The following RGSL1 variants were observed in gnomAD, a reference collection of about 807,000 sequenced individuals.
The protein encoded by RGSL1 is regulator of G protein signaling like 1.
A neutral mutation model predicts 124.7 loss-of-function variants in RGSL1; 97 were observed. That is an observed-to-expected ratio of 0.78 (90% CI 0.66 to 0.92). The LOEUF is 0.92. Ranked by LOEUF, RGSL1 falls within the 40% of genes least tolerant of loss-of-function variation. The pLI, the probability that RGSL1 is intolerant of heterozygous loss-of-function variation, is 0.00. For synonymous variants in RGSL1, 424 were observed against 438.1 expected, an observed-to-expected ratio of 0.97 and a Z score of 0.40; for missense variants, 1,233 against 1,288.4, an observed-to-expected ratio of 0.96 and a Z score of 0.66.
intron 14 of RGSL1, among the ~76,000 whole-genome samples, chr1:182,537,261 T>C (rs1659609949): frequency 6.6e-6 from 1 of 152,130 alleles, no homozygotes; most frequent in Admixed American, 6.5e-5. Flanking sequence ...CAATACAAAA[T>C]TTATTCAGTG....
chr1:182,496,966 C>T (rs1387558729), intron 9 of RGSL1, among the ~76,000 whole-genome samples: 1 of 152,062 alleles, frequency 6.6e-6, no homozygotes, highest in Non-Finnish European at 1.5e-5. Context: ...CTTACTAAGG[C>T]CCCCAAAATG....
At chr1:182,459,428 G>A (rs192965614) in intron 3 of RGSL1, among the ~76,000 whole-genome samples, 1 of 152,062 alleles carries the variant, frequency 6.6e-6, no homozygotes, top group Non-Finnish European at 1.5e-5. Context: ...GGAGAGTTGA[G>A]AAGAGACATT....
rs189495755 is a variant in RGSL1, at chr1:182,481,725, G to C, written c.1432-6560G>C. 4.1e-5 allele frequency among the ~76,000 whole-genome samples: 6 copies of C among 147,204 alleles called. No homozygotes were observed. In the East Asian group the frequency reaches 1.2e-3, roughly 30 times the overall value. On this transcript the variant is annotated intron_variant, in intron 6 of 21. Transcript: ENST00000294854. Reference sequence around the variant, plus strand: ...TGGCCAGGTGCAGTGGTTCATGCCTGTAACCCCAGCACTTTGCGAGGCTGA... The same window carrying C: ...TGGCCAGGTGCAGTGGTTCATGCCTCTAACCCCAGCACTTTGCGAGGCTGA...
At chr1:182,454,402 G>A (rs947348319) in intron 2 of RGSL1, among the ~76,000 whole-genome samples, 2 of 152,144 alleles carry the variant, frequency 1.3e-5, no homozygotes, top group Non-Finnish European at 2.9e-5. Flanking sequence ...TCCTTGGGCT[G>A]TGTCTGTTTT....
intron 2 of RGSL1, among the ~76,000 whole-genome samples, chr1:182,458,097 G>C (rs144064232): frequency 1.6e-4 from 25 of 152,220 alleles, no homozygotes; most frequent in African/African-American, 6.0e-4. Flanking sequence ...AGGTTGGGGC[G>C]TGGTGGAGCC....
At chr1:182,524,430 G>A (rs1366287749) in intron 10 of RGSL1, among the ~76,000 whole-genome samples, 3 of 152,116 alleles carry the variant, frequency 2.0e-5, no homozygotes, top group Admixed American at 6.5e-5. Flanking sequence ...GATGTACAAA[G>A]CAATGAAGGG....
At chr1:182,534,362 A>T (rs1256754075) in intron 14 of RGSL1, among the ~76,000 whole-genome samples, 2 of 152,164 alleles carry the variant, frequency 1.3e-5, no homozygotes, top group Non-Finnish European at 2.9e-5. Flanking sequence ...TCTTATTTAT[A>T]CTTCTTTAGG....
At chr1:182,524,291 GTA>G (rs35322345) in intron 10 of RGSL1, among the ~76,000 whole-genome samples, 131,408 of 152,050 alleles carry the variant, frequency 0.86, 57,106 homozygotes, top group Non-Finnish European at 0.89. Context: ...AGAAATGAGA[GTA>G]TATAAGGAGT....
At chr1:182,459,954 G>A (rs1482152991) in intron 3 of RGSL1, 50 bp from the exon 4 acceptor site, 15 of 1,529,514 alleles carry the variant, frequency 9.8e-6, no homozygotes, top group Non-Finnish European at 1.1e-5. Context: ...TATTTTTTTA[G>A]CAGTTCGGTT....
chr1:182,491,157 G>A (rs1655496013), intron 8 of RGSL1, among the ~76,000 whole-genome samples: 2 of 151,744 alleles, frequency 1.3e-5, no homozygotes, highest in South Asian at 4.2e-4. Context: ...CAAAATGCTG[G>A]GATTAAAGGT....
chr1:182,508,874 G>T (rs1169132711), intron 9 of RGSL1, among the ~76,000 whole-genome samples: 73 of 97,252 alleles, frequency 7.5e-4, no homozygotes, highest in Non-Finnish European at 1.2e-3. Flanking sequence ...TGAGATTAGG[G>T]ATTGGTGATG....
At chr1:182,504,658 C>T (rs1656680190) in intron 9 of RGSL1, among the ~76,000 whole-genome samples, 1 of 152,012 alleles carries the variant, frequency 6.6e-6, no homozygotes, top group Non-Finnish European at 1.5e-5. Context: ...CTTTTCTCAA[C>T]TATTTTTGTA....
chr1:182,472,316 G>A, intron 4 of RGSL1, 80 bp from the exon 5 acceptor site: 1 of 1,302,310 alleles, frequency 7.7e-7, no homozygotes, highest in Admixed American at 2.3e-5. Context: ...GGTGGGGGAT[G>A]TCAGTTGATT....
At chr1:182,549,723 T>G (rs1444948893) in intron 17 of RGSL1, 6 of 152,214 alleles carry the variant, frequency 3.9e-5, no homozygotes, top group Admixed American at 1.3e-4. Context: ...AAAATAGAAG[T>G]GTGAAATTGC....
intron 11 of RGSL1, among the ~76,000 whole-genome samples, chr1:182,528,096 C>T (rs1413281089): frequency 1.3e-5 from 2 of 152,010 alleles, no homozygotes; most frequent in Non-Finnish European, 2.9e-5. Flanking sequence ...ATAATCATGG[C>T]AGAAGGCACC....
chr1:182,492,958 T>C, intron 8 of RGSL1, 64 bp from the exon 9 acceptor site: 1 of 1,114,084 alleles, frequency 9.0e-7, no homozygotes, highest in Non-Finnish European at 1.3e-6. Context: ...AACAAAAGTA[T>C]ATGAATCTTT....
intron 6 of RGSL1, among the ~76,000 whole-genome samples, chr1:182,475,377 G>T (rs901621329): frequency 6.6e-6 from 1 of 152,142 alleles, no homozygotes; most frequent in Admixed American, 6.5e-5. Context: ...AAAGCAAACG[G>T]CAAAGTTAAG....
chr1:182,524,460 A>G (rs1384357177), intron 10 of RGSL1, among the ~76,000 whole-genome samples: 2 of 152,208 alleles, frequency 1.3e-5, no homozygotes, highest in African/African-American at 4.8e-5. Flanking sequence ...GACTTCTGGA[A>G]TGGTAGAGCA....
At chr1:182,556,447 G>A (rs995125706) in intron 21 of RGSL1, among the ~76,000 whole-genome samples, 2 of 152,160 alleles carry the variant, frequency 1.3e-5, no homozygotes, top group East Asian at 3.8e-4. Context: ...TTTAATGGTA[G>A]GATCTCTCAT....
Sources: gnomAD v4.1 joint callset for allele counts (sites outside exome capture counted in the v4.1 genomes callset) on GRCh38, gnomAD v4.1.1 for gene constraint, MANE v1.5 for transcripts, NCBI Gene and HGNC (gene_info 2026-07-23, HGNC 2026-07-21) for gene names.